FTO: variants seen among roughly 807,000 people sequenced by gnomAD.
FTO encodes FTO alpha-ketoglutarate dependent dioxygenase, also known as alpha-ketoglutarate-dependent dioxygenase FTO.
In FTO, 47 loss-of-function variants were observed where a neutral mutation model predicts 63.9. That is an observed-to-expected ratio of 0.74 (90% CI 0.58 to 0.94). The LOEUF is 0.94. Ranked by LOEUF, FTO falls within the 40% of genes least tolerant of loss-of-function variation. The pLI is 0.00. For synonymous variants in FTO, 207 were observed against 224.4 expected (o/e 0.92, Z 0.69); for missense variants, 562 against 618.1 (o/e 0.91, Z 0.96).
rs753259878 is a variant in FTO at position 54,111,787 on chromosome 16, T to C, written c.1390T>C (p.Leu464=). The change falls in exon 9 of 9, where the codon TTA becomes CTA. Residue 464 remains leucine, a synonymous_variant. Coordinates refer to ENST00000471389, the MANE Select transcript of FTO (RefSeq NM_001080432.3). ...ARCQSRIART[L]PADQKPECRP... ...GTGCCAGTCACGAATTGCCCGAACA[T>C]TACCTGCTGATCAGAAGCCAGAATG... 1.2e-6 allele frequency: 2 copies of C among 1,614,112 alleles called. No individual in the cohort carries two copies. The highest frequency in any genetic ancestry group is 1.6e-4 in the Middle Eastern group (1 of 6,062).
chr16:53,798,061 A>G (rs1237880130), intron 1 of FTO, among the ~76,000 whole-genome samples: 1 of 152,082 alleles, frequency 6.6e-6, no homozygotes, highest in Non-Finnish European at 1.5e-5. Context: ...TTCAAGTACT[A>G]TTTGTTAGGA....
intron 8 of FTO, among the ~76,000 whole-genome samples, chr16:54,059,182 C>T (rs929892549): frequency 6.6e-6 from 1 of 152,276 alleles, no homozygotes; most frequent in African/African-American, 2.4e-5. Context: ...TAAGGAAGCT[C>T]GATTTACCTT....
chr16:53,736,002 T>C (rs1387755685), intron 1 of FTO, among the ~76,000 whole-genome samples: 1 of 151,166 alleles, frequency 6.6e-6, no homozygotes, highest in Non-Finnish European at 1.5e-5. Context: ...GTAGATGCCA[T>C]AATACAAATA....
chr16:53,971,355 C>T, intron 8 of FTO, among the ~76,000 whole-genome samples: 1 of 152,168 alleles, frequency 6.6e-6, no homozygotes, highest in East Asian at 1.9e-4. Flanking sequence ...TACCAGATTG[C>T]TTTCCAAAAG....
chr16:53,951,423 G>T (rs2082797594), intron 8 of FTO, among the ~76,000 whole-genome samples: 2 of 152,112 alleles, frequency 1.3e-5, no homozygotes, highest in South Asian at 4.1e-4. Flanking sequence ...TTTGGTGGTG[G>T]GTTTCTGTCT....
intron 1 of FTO, among the ~76,000 whole-genome samples, chr16:53,801,182 G>T (rs2078209222): frequency 6.7e-6 from 1 of 148,802 alleles, no homozygotes; most frequent in Admixed American, 6.7e-5. Flanking sequence ...TGCCTTTTTT[G>T]GATTTTTTTA....
intron 4 of FTO, among the ~76,000 whole-genome samples, chr16:53,860,994 G>A (rs536840103): frequency 9.2e-5 from 14 of 151,612 alleles, no homozygotes; most frequent in Non-Finnish European, 1.5e-4. Flanking sequence ...ATATTAAAAC[G>A]TTACATTTTA....
At chr16:53,804,681 C>T (rs952852161) in intron 1 of FTO, among the ~76,000 whole-genome samples, 4 of 143,954 alleles carry the variant, frequency 2.8e-5, no homozygotes, top group East Asian at 2.0e-4. Context: ...CACCATGCAG[C>T]GGTGACTCAC....
At chr16:53,738,180 G>T (rs1168526453) in intron 1 of FTO, among the ~76,000 whole-genome samples, 2 of 151,890 alleles carry the variant, frequency 1.3e-5, no homozygotes, top group Admixed American at 1.3e-4. Flanking sequence ...GCGCCACCAC[G>T]CCCAGCTAAT....
chr16:54,005,774 G>C (rs2144033842), intron 8 of FTO, among the ~76,000 whole-genome samples: 1 of 152,298 alleles, frequency 6.6e-6, no homozygotes, highest in Admixed American at 6.5e-5. Context: ...AAGTGGACTG[G>C]AGCGGAATTT....
intron 8 of FTO, chr16:53,994,091 A>T (rs1332831318): frequency 6.6e-6 from 1 of 152,200 alleles, no homozygotes; most frequent in Non-Finnish European, 1.5e-5. Context: ...TAAAGGAACT[A>T]GTTCCTTTTA....
At chr16:53,808,131 C>G (rs1338326219) in intron 1 of FTO, among the ~76,000 whole-genome samples, 1 of 152,000 alleles carries the variant, frequency 6.6e-6, no homozygotes, top group Non-Finnish European at 1.5e-5. Flanking sequence ...GGGTTTGAGA[C>G]CAGCCTGGGG....
At chr16:53,741,705 C>G (rs1016749328) in intron 1 of FTO, among the ~76,000 whole-genome samples, 4 of 152,162 alleles carry the variant, frequency 2.6e-5, no homozygotes, top group African/African-American at 9.7e-5. Flanking sequence ...GAGAGGGTGA[C>G]TAAACTCTGT....
intron 8 of FTO, among the ~76,000 whole-genome samples, chr16:54,048,276 A>G (rs1321974686): frequency 3.4e-5 from 5 of 148,516 alleles, no homozygotes; most frequent in Non-Finnish European, 7.5e-5. Context: ...AAAAAAAAGA[A>G]GCTAAGATTT....
chr16:54,100,814 C>T (rs775364447), intron 8 of FTO, among the ~76,000 whole-genome samples: 1 of 152,138 alleles, frequency 6.6e-6, no homozygotes, highest in Non-Finnish European at 1.5e-5. Flanking sequence ...TTGAGAGGGA[C>T]AGGAGAAAGG....
At chr16:53,874,672 A>T (rs558274556) in intron 5 of FTO, among the ~76,000 whole-genome samples, 11 of 152,318 alleles carry the variant, frequency 7.2e-5, no homozygotes, top group African/African-American at 2.2e-4. Flanking sequence ...TTCCAGTGGC[A>T]GTACTGCGTG....
intron 8 of FTO, among the ~76,000 whole-genome samples, chr16:54,048,747 A>G (rs1410641725): frequency 1.3e-5 from 2 of 152,210 alleles, no homozygotes; most frequent in East Asian, 1.9e-4. Flanking sequence ...CTCCAGCCTG[A>G]TAAGTATTCC....
chr16:54,073,028 G>A (rs1417363859), intron 8 of FTO, among the ~76,000 whole-genome samples: 2 of 152,190 alleles, frequency 1.3e-5, no homozygotes, highest in Non-Finnish European at 2.9e-5. Context: ...CTGTAGTTGG[G>A]TATTCTGGGA....
At chr16:53,955,956 C>T (rs1374338669) in intron 8 of FTO, among the ~76,000 whole-genome samples, 1 of 151,540 alleles carries the variant, frequency 6.6e-6, no homozygotes, top group Non-Finnish European at 1.5e-5. Context: ...CCGGTCTGGG[C>T]AACATAGCCA....
Sources: gnomAD v4.1 joint callset for allele counts (sites outside exome capture counted in the v4.1 genomes callset) on GRCh38, gnomAD v4.1.1 for gene constraint, MANE v1.5 for transcripts, NCBI Gene and HGNC (gene_info 2026-07-23, HGNC 2026-07-21) for gene names.